CAMKMT: variants seen among roughly 807,000 people sequenced by gnomAD.
The protein encoded by CAMKMT is calmodulin-lysine N-methyltransferase.
Under a neutral mutation model 48.0 loss-of-function variants are expected in CAMKMT, and 53 were observed. The observed-to-expected ratio is 1.10, with a 90% CI of 0.89 to 1.39. CAMKMT has a LOEUF of 1.39. Among genes scored for constraint, CAMKMT ranks in the 40% most tolerant of loss-of-function variants. The probability of loss-of-function intolerance (pLI) is 0.00; values close to 1 mark genes in which losing one functional copy is unlikely to be tolerated. For missense variants in CAMKMT, 428 were observed against 402.7 expected, an observed-to-expected ratio of 1.06 and a Z score of -0.54; for synonymous variants, 165 against 152.3, an observed-to-expected ratio of 1.08 and a Z score of -0.61.
intron 3 of CAMKMT, among the ~76,000 whole-genome samples, chr2:44,465,477 T>G (rs528391480): frequency 6.7e-5 from 10 of 150,194 alleles, no homozygotes; most frequent in African/African-American, 2.5e-4. Flanking sequence ...ATGCCTGTAC[T>G]CCCAGCTACT....
chr2:44,672,719 G>C lies in CAMKMT; in HGVS notation c.377-31564G>C, dbSNP rs77271120. On this transcript the variant is annotated intron_variant, in intron 3 of 10. Coordinates refer to ENST00000378494, the MANE Select transcript of CAMKMT (RefSeq NM_024766.5). Reference sequence around the variant, plus strand: ...GATATCAACCAAGCTCTGGGTACCAGGCACTTTTGTACATTTCTAGTTTTG... The same window carrying C: ...GATATCAACCAAGCTCTGGGTACCACGCACTTTTGTACATTTCTAGTTTTG... Among the ~76,000 whole-genome samples, 548 of 152,186 alleles carry C rather than the reference G, an allele frequency of 3.6e-3. 2 individuals carry two copies. Among genetic ancestry groups the C allele is most frequent in the African/African-American group, 0.013 (526 of 41,522 alleles).
intron 3 of CAMKMT, among the ~76,000 whole-genome samples, chr2:44,480,361 T>G (rs1490257010): frequency 6.6e-6 from 1 of 152,156 alleles, no homozygotes; most frequent in East Asian, 1.9e-4. Flanking sequence ...GGTATAACAA[T>G]TGTAATTCAT....
At position 44,483,150 on chromosome 2, in the gene CAMKMT, C is replaced by G. The variant is rs144599761; in HGVS notation, c.376+92845C>G. Among the ~76,000 whole-genome samples, 51 of 152,268 alleles carry G rather than the reference C, an allele frequency of 3.3e-4. No homozygotes were observed. In the East Asian group the frequency reaches 8.1e-3, roughly 24 times the overall value. On this transcript the variant is annotated intron_variant, in intron 3 of 10. Transcript: ENST00000378494. ...CCCATTCAGGCCTGACTCTTCAGCC[C>G]TCTCTACTCTCTTACCTGAATAGAT...
At chr2:44,609,329 A>T (rs562197324) in intron 3 of CAMKMT, among the ~76,000 whole-genome samples, 4 of 152,328 alleles carry the variant, frequency 2.6e-5, no homozygotes, top group African/African-American at 7.2e-5. Flanking sequence ...TGTATTTTTG[A>T]AAAATGCAGA....
intron 3 of CAMKMT, among the ~76,000 whole-genome samples, chr2:44,594,279 A>G (rs1278784597): frequency 2.0e-5 from 3 of 152,180 alleles, no homozygotes; most frequent in Non-Finnish European, 4.4e-5. Context: ...TCAAGCTACC[A>G]TTGACTTTCT....
intron 3 of CAMKMT, among the ~76,000 whole-genome samples, chr2:44,453,305 G>T (rs1490452976): frequency 6.6e-6 from 1 of 152,006 alleles, no homozygotes; most frequent in African/African-American, 2.4e-5. Flanking sequence ...GTACTAGTGA[G>T]TCATAAATGG....
intron 3 of CAMKMT, among the ~76,000 whole-genome samples, chr2:44,673,883 A>G (rs1675509914): frequency 6.6e-6 from 1 of 152,144 alleles, no homozygotes; most frequent in Non-Finnish European, 1.5e-5. Flanking sequence ...GCATAATGGA[A>G]CAGTCTTTTA....
intron 3 of CAMKMT, among the ~76,000 whole-genome samples, chr2:44,482,017 A>G (rs1381861372): frequency 6.6e-6 from 1 of 152,072 alleles, no homozygotes; most frequent in Non-Finnish European, 1.5e-5. Context: ...TATTAGTAAA[A>G]TATTACCTAA....
intron 3 of CAMKMT, among the ~76,000 whole-genome samples, chr2:44,468,019 CTA>C (rs750350196): frequency 1.3e-5 from 2 of 152,070 alleles, no homozygotes; most frequent in African/African-American, 2.4e-5. Context: ...TTATATAAAA[CTA>C]AAAAGCTTTT....
At chr2:44,403,364 G>T (rs1409388234) in intron 3 of CAMKMT, among the ~76,000 whole-genome samples, 1 of 152,122 alleles carries the variant, frequency 6.6e-6, no homozygotes, top group African/African-American at 2.4e-5. Flanking sequence ...TTCCAGTCTG[G>T]AGAGACTAGA....
chr2:44,556,169 T>C (rs193205799), intron 3 of CAMKMT, among the ~76,000 whole-genome samples: 1 of 152,088 alleles, frequency 6.6e-6, no homozygotes, highest in Non-Finnish European at 1.5e-5. Flanking sequence ...GATGGAGTCT[T>C]GCTCTGTCAC....
intron 3 of CAMKMT, among the ~76,000 whole-genome samples, chr2:44,525,595 C>G (rs1671364261): frequency 6.6e-6 from 1 of 152,174 alleles, no homozygotes; most frequent in Admixed American, 6.5e-5. Context: ...TACATTTTCA[C>G]AGAATAAATT....
At chr2:44,684,594 G>A (rs1676229313) in intron 3 of CAMKMT, among the ~76,000 whole-genome samples, 1 of 152,070 alleles carries the variant, frequency 6.6e-6, no homozygotes, top group South Asian at 2.1e-4. Flanking sequence ...CTGCATGTTT[G>A]TAGATATCCC....
chr2:44,399,481 G>A (rs950907238), intron 3 of CAMKMT, among the ~76,000 whole-genome samples: 1 of 151,800 alleles, frequency 6.6e-6, no homozygotes, highest in African/African-American at 2.4e-5. Context: ...ATTTGTTGGG[G>A]GAGGGGGCAT....
At chr2:44,457,908 A>G (rs1011995230) in intron 3 of CAMKMT, among the ~76,000 whole-genome samples, 1 of 152,160 alleles carries the variant, frequency 6.6e-6, no homozygotes, top group Non-Finnish European at 1.5e-5. Flanking sequence ...CTGCAAATGA[A>G]TAGTGAACCC....
At chr2:44,468,525 G>A (rs943867518) in intron 3 of CAMKMT, among the ~76,000 whole-genome samples, 1 of 152,172 alleles carries the variant, frequency 6.6e-6, no homozygotes, top group Non-Finnish European at 1.5e-5. Context: ...ATTGAAATCA[G>A]TATATTGAAG....
intron 3 of CAMKMT, among the ~76,000 whole-genome samples, chr2:44,642,959 C>T (rs1163570578): frequency 6.6e-6 from 1 of 152,034 alleles, no homozygotes; most frequent in Non-Finnish European, 1.5e-5. Flanking sequence ...GGTTGTAAGC[C>T]TAATGGATAA....
chr2:44,742,448 G>A (rs533210588), intron 7 of CAMKMT, among the ~76,000 whole-genome samples: 91 of 152,248 alleles, frequency 6.0e-4, no homozygotes, highest in African/African-American at 1.5e-3. Flanking sequence ...AGGATACAGC[G>A]TAGGAATTGG....
chr2:44,552,297 C>T (rs899695395), intron 3 of CAMKMT, among the ~76,000 whole-genome samples: 8 of 152,058 alleles, frequency 5.3e-5, no homozygotes, highest in African/African-American at 1.7e-4. Context: ...ACTTTTGAGT[C>T]TTTTAAATAA....
Sources: allele counts gnomAD v4.1 joint callset (sites outside exome capture counted in the v4.1 genomes callset), GRCh38; gene constraint gnomAD v4.1.1; transcripts MANE v1.5; gene names NCBI Gene and HGNC (gene_info 2026-07-23, HGNC 2026-07-21).